Variants in KCNK1 observed in about 807,000 individuals in gnomAD.
The protein encoded by KCNK1 is potassium channel subfamily K member 1.
Under a neutral mutation model 22.2 loss-of-function variants are expected in KCNK1, and 10 were observed. The observed-to-expected ratio is 0.45, with a 90% CI of 0.28 to 0.76. The LOEUF is 0.76. Among genes scored for constraint, KCNK1 ranks in the 30% least tolerant of loss-of-function variants. KCNK1 has a pLI of 0.14. For synonymous variants in KCNK1, 200 were observed against 186.4 expected (o/e 1.07, Z -0.60); for missense variants, 378 against 421.0 (o/e 0.90, Z 0.89).
At chr1:233,668,874 G>A (rs1372172791) in intron 2 of KCNK1, among the ~76,000 whole-genome samples, 1 of 152,130 alleles carries the variant, frequency 6.6e-6, no homozygotes, top group Admixed American at 6.5e-5. Flanking sequence ...CAAAGTGCTG[G>A]GATTACAGGC....
Position 233,614,415 on chromosome 1 carries a change from G to A in KCNK1, c.244G>A (p.Val82Met). ...GCAGCTGGAGCAGTTCCTGGGCCGG[G>A]TGCTGGAGGCCAGCAACTACGGCGT... ...EQQLEQFLGR[V>M]LEASNYGVSV... Residue 82 changes from valine (V) to methionine (M), a missense_variant, in exon 1 of 3, where the codon GTG becomes ATG. By Grantham distance (21) the Val-to-Met change is conservative. Coordinates refer to ENST00000366621, the MANE Select transcript of KCNK1 (RefSeq NM_002245.4). 2.5e-6 allele frequency: 4 copies of A among 1,612,756 alleles called. No homozygotes were observed. The highest frequency in any genetic ancestry group is 2.5e-6 in the Non-Finnish European group (3 of 1,179,544).
At chr1:233,645,554 G>A (rs1257008881) in intron 1 of KCNK1, among the ~76,000 whole-genome samples, 3 of 152,232 alleles carry the variant, frequency 2.0e-5, no homozygotes, top group African/African-American at 7.2e-5. Flanking sequence ...AGGCAAGAAA[G>A]CCTTTTCCCC....
Position 233,666,746 on chromosome 1 carries a change from C to T in KCNK1, c.507C>T (p.His169=), listed in dbSNP as rs1335834961. The change falls in exon 2 of 3, where the codon CAC becomes CAT. Residue 169 remains histidine, a synonymous_variant. Coordinates refer to ENST00000366621, the MANE Select transcript of KCNK1 (RefSeq NM_002245.4). ...HVTRRPVLYF[H]IRWGFSKQVV... ...CCCGCAGGCCGGTCCTCTACTTCCA[C>T]ATCCGCTGGGGCTTCTCCAAGCAGG... 5 of 1,614,218 alleles carry T rather than the reference C, an allele frequency of 3.1e-6. No individual in the cohort carries two copies. Among genetic ancestry groups the T allele is most frequent in the Non-Finnish European group, 4.2e-6 (5 of 1,180,042 alleles).
chr1:233,662,274 C>CCTCCTG, intron 1 of KCNK1, among the ~76,000 whole-genome samples: 1 of 94,352 alleles, frequency 1.1e-5, no homozygotes, highest in East Asian at 3.9e-4. Flanking sequence ...TTCTTCTTCT[C>CCTCCTG]CTCCTCCTCC....
chr1:233,626,384 G>A (rs1054960303), intron 1 of KCNK1, among the ~76,000 whole-genome samples: 1 of 152,114 alleles, frequency 6.6e-6, no homozygotes, highest in Non-Finnish European at 1.5e-5. Flanking sequence ...CTGAACTTGA[G>A]ATCCCTTTTG....
rs147955588 is a variant in KCNK1, at chr1:233,663,863, G to A, written c.356-2732G>A. ...TGCGGGGGGGTGGGGACAGAGTCTC[G>A]CTGTGTCACCCAGGCTGGAGTGCAA... On this transcript the variant is annotated intron_variant, in intron 1 of 2. Transcript: ENST00000366621. Among the ~76,000 whole-genome samples, 345 of 151,806 alleles carry A rather than the reference G, an allele frequency of 2.3e-3. 1 individual carries two copies. The highest frequency in any genetic ancestry group is 7.9e-3 in the African/African-American group (328 of 41,388).
intron 1 of KCNK1, chr1:233,637,350 T>C (rs1392420727): frequency 6.6e-6 from 1 of 152,070 alleles, no homozygotes; most frequent in African/African-American, 2.4e-5. Context: ...AAGACTGAGG[T>C]CATTTTTATG....
intron 1 of KCNK1, among the ~76,000 whole-genome samples, chr1:233,624,656 C>G (rs1657653946): frequency 6.6e-6 from 1 of 152,118 alleles, no homozygotes; most frequent in Admixed American, 6.5e-5. Flanking sequence ...TTCAAGAGAC[C>G]TTAGATATAA....
chr1:233,643,954 C>T (rs962929282), intron 1 of KCNK1, among the ~76,000 whole-genome samples: 18 of 152,196 alleles, frequency 1.2e-4, no homozygotes, highest in African/African-American at 3.4e-4. Context: ...AATAAAACTG[C>T]CACCCATTTC....
At chr1:233,630,564 G>C (rs551416776) in intron 1 of KCNK1, 1 of 152,330 alleles carries the variant, frequency 6.6e-6, no homozygotes. Flanking sequence ...CAGAACTACT[G>C]TATGAAAACT....
intron 1 of KCNK1, among the ~76,000 whole-genome samples, chr1:233,628,280 T>C (rs1244873301): frequency 6.6e-6 from 1 of 152,018 alleles, no homozygotes; most frequent in African/African-American, 2.4e-5. Context: ...AAACAGTAGG[T>C]ATTGGAGAAT....
chr1:233,649,690 A>G (rs898799539), intron 1 of KCNK1, among the ~76,000 whole-genome samples: 3 of 152,128 alleles, frequency 2.0e-5, no homozygotes, highest in African/African-American at 7.2e-5. Flanking sequence ...CTGCCCTCTG[A>G]TATAAGGGCA....
At chr1:233,660,044 C>T (rs920325161) in intron 1 of KCNK1, among the ~76,000 whole-genome samples, 1 of 152,212 alleles carries the variant, frequency 6.6e-6, no homozygotes, top group Non-Finnish European at 1.5e-5. Context: ...AAACTCCTAA[C>T]AGTAACCTCT....
chr1:233,653,600 G>A (rs568038908), intron 1 of KCNK1, among the ~76,000 whole-genome samples: 26 of 152,248 alleles, frequency 1.7e-4, no homozygotes, highest in African/African-American at 6.3e-4. Context: ...AGAACAAAAA[G>A]GGAGAGAAAG....
intron 1 of KCNK1, among the ~76,000 whole-genome samples, chr1:233,626,903 A>T (rs1657698411): frequency 1.3e-5 from 2 of 152,210 alleles, no homozygotes. Context: ...TTCAAAGAAT[A>T]AATAAATATC....
intron 1 of KCNK1, among the ~76,000 whole-genome samples, chr1:233,665,260 A>G (rs879450237): frequency 2.0e-5 from 3 of 152,228 alleles, no homozygotes; most frequent in Non-Finnish European, 4.4e-5. Context: ...TACAAGAAGT[A>G]TTCTCATGAG....
At position 233,614,962 on chromosome 1, in the gene KCNK1, C is replaced by G. The variant is rs1228937101; in HGVS notation, c.355+436C>G. Among the ~76,000 whole-genome samples the G allele has an allele frequency of 3.3e-5, 5 of 152,226 alleles. No individual in the cohort carries two copies. In the East Asian group the frequency reaches 7.7e-4, roughly 24 times the overall value. ...GCAAGGCAGCGGGATGATGGAAACTCACCACCTTCCTCCCGCACCCATCCC... is the reference window on the plus strand; with the variant it reads ...GCAAGGCAGCGGGATGATGGAAACTGACCACCTTCCTCCCGCACCCATCCC... On this transcript the variant is annotated intron_variant, in intron 1 of 2. Coordinates refer to ENST00000366621, the MANE Select transcript of KCNK1 (RefSeq NM_002245.4).
intron 1 of KCNK1, among the ~76,000 whole-genome samples, chr1:233,663,055 T>C (rs753396564): frequency 9.2e-5 from 14 of 152,204 alleles, no homozygotes; most frequent in Non-Finnish European, 1.6e-4. Flanking sequence ...TAAAATTCAA[T>C]AGGACTGAAA....
chr1:233,670,925 C>T lies in KCNK1; in HGVS notation c.752-346C>T, dbSNP rs115776347. 3.6e-3 allele frequency among the ~76,000 whole-genome samples: 543 copies of T among 152,266 alleles called. 1 individual carries two copies. Among genetic ancestry groups the T allele is most frequent in the Non-Finnish European group, 5.4e-3 (365 of 68,032 alleles). On this transcript the variant is annotated intron_variant, in intron 2 of 2. Transcript: ENST00000366621. Reference sequence around the variant, plus strand: ...GATTATAAAGCAGAGGTGGCAAACCCTCCTTGCATAAAATATCACACTTGG... The same window carrying T: ...GATTATAAAGCAGAGGTGGCAAACCTTCCTTGCATAAAATATCACACTTGG...
Sources: gnomAD v4.1 joint callset for allele counts (sites outside exome capture counted in the v4.1 genomes callset) on GRCh38, gnomAD v4.1.1 for gene constraint, MANE v1.5 for transcripts, NCBI Gene and HGNC (gene_info 2026-07-23, HGNC 2026-07-21) for gene names.